FRY: variants seen among roughly 807,000 people sequenced by gnomAD.
The protein encoded by FRY is FRY microtubule binding protein.
In FRY, 128 loss-of-function variants were observed where a neutral mutation model predicts 348.4. The ratio of observed to expected loss-of-function variants is 0.37; its 90% CI spans 0.32 to 0.43. The LOEUF is 0.43. FRY is among the 20% of genes least tolerant of loss of function. The pLI is 1.00. For missense variants in FRY, 2,736 were observed against 3,695.2 expected (o/e 0.74, Z 6.73); for synonymous variants, 1,370 against 1,374.7 (o/e 1.00, Z 0.08).
chr13:32,265,420 G>A (rs1329277040), intron 53 of FRY, 30 bp from the exon 54 acceptor site: 1 of 1,610,584 alleles, frequency 6.2e-7, no homozygotes, highest in African/African-American at 1.3e-5. Flanking sequence ...TTACACATTG[G>A]GGGATTCTTT....
chr13:32,173,360 A>G lies in FRY; in HGVS notation c.2152-7A>G, dbSNP rs1343326359. 3.7e-6 allele frequency: 6 copies of G among 1,607,762 alleles called. No individual in the cohort carries two copies. Among genetic ancestry groups the G allele is most frequent in the Non-Finnish European group, 5.1e-6 (6 of 1,175,842 alleles). On this transcript the variant is annotated splice_region_variant and splice_polypyrimidine_tract_variant and intron_variant, in intron 18 of 60. Coordinates refer to ENST00000542859, the MANE Select transcript of FRY (RefSeq NM_023037.3). The stretch of plus-strand genomic sequence containing the variant: ...GAATACAGAATGTTGTTCTTATTGC[A>G]TAACAGCTCATCGCAAATGGCTCCA...
intron 2 of FRY, among the ~76,000 whole-genome samples, chr13:32,094,974 A>G (rs1593605837): frequency 6.6e-6 from 1 of 152,216 alleles, no homozygotes; most frequent in Non-Finnish European, 1.5e-5. Context: ...CAACCAGTGT[A>G]TGAAGGTTCC....
chr13:32,037,513 C>A (rs1872574023), intron 1 of FRY, among the ~76,000 whole-genome samples: 1 of 152,134 alleles, frequency 6.6e-6, no homozygotes, highest in Non-Finnish European at 1.5e-5. Context: ...AAATCATGTA[C>A]AGGACTGGCA....
chr13:32,067,049 G>T (rs1467990102), intron 1 of FRY, among the ~76,000 whole-genome samples: 1 of 152,168 alleles, frequency 6.6e-6, no homozygotes, highest in African/African-American at 2.4e-5. Flanking sequence ...TGTTTTTGAG[G>T]ACTCTGCAGT....
chr13:32,245,458 T>A (rs1886745090), intron 47 of FRY, among the ~76,000 whole-genome samples: 1 of 151,596 alleles, frequency 6.6e-6, no homozygotes, highest in South Asian at 2.1e-4. Context: ...AAAAAAAATT[T>A]TAAAAATCAG....
chr13:32,212,198 A>C (rs1884725360), intron 34 of FRY, 94 bp from the exon 35 acceptor site: 4 of 742,428 alleles, frequency 5.4e-6, no homozygotes, highest in Admixed American at 4.2e-5. Context: ...ATAAGAATTT[A>C]CAGGAAATCT....
At chr13:32,201,838 A>T in intron 29 of FRY, 103 bp from the exon 30 acceptor site, 1 of 765,466 alleles carries the variant, frequency 1.3e-6, no homozygotes. Flanking sequence ...GTCACTAATA[A>T]GTGACCGAGG....
intron 3 of FRY, among the ~76,000 whole-genome samples, chr13:32,107,474 G>A (rs1229839385): frequency 6.6e-6 from 1 of 152,222 alleles, no homozygotes; most frequent in Non-Finnish European, 1.5e-5. Flanking sequence ...ACACATTGGA[G>A]AACTAGGAAT....
intron 55 of FRY, among the ~76,000 whole-genome samples, chr13:32,269,928 G>A (rs768149796): frequency 6.6e-6 from 1 of 152,172 alleles, no homozygotes; most frequent in Non-Finnish European, 1.5e-5. Context: ...AGTCTTACTT[G>A]TAGTGCTCTT....
chr13:32,174,309 A>G (rs1429546767), intron 19 of FRY, among the ~76,000 whole-genome samples: 1 of 152,206 alleles, frequency 6.6e-6, no homozygotes, highest in African/African-American at 2.4e-5. Flanking sequence ...TTTTCTGTTC[A>G]TATTTCTTCA....
intron 1 of FRY, among the ~76,000 whole-genome samples, chr13:32,065,750 C>T (rs139508088): frequency 0.011 from 1,634 of 152,182 alleles, 32 homozygotes; most frequent in African/African-American, 0.038. Flanking sequence ...CAGATGTGTG[C>T]TACCATGCTC....
intron 58 of FRY, among the ~76,000 whole-genome samples, chr13:32,283,881 T>C (rs920040779): frequency 1.3e-5 from 2 of 152,242 alleles, no homozygotes; most frequent in African/African-American, 4.8e-5. Flanking sequence ...AATCAGCATT[T>C]CCAACTAATG....
At chr13:32,105,482 A>T (rs1394381014) in intron 3 of FRY, among the ~76,000 whole-genome samples, 1 of 152,242 alleles carries the variant, frequency 6.6e-6, no homozygotes, top group Non-Finnish European at 1.5e-5. Flanking sequence ...ACAAACTATA[A>T]GAATTTCAGT....
At chr13:32,141,302 C>T (rs1593659982) in intron 11 of FRY, among the ~76,000 whole-genome samples, 2 of 151,984 alleles carry the variant, frequency 1.3e-5, no homozygotes, top group African/African-American at 4.8e-5. Flanking sequence ...TCATCAAACC[C>T]GGTGAATCAT....
Position 32,275,195 on chromosome 13 carries a change from G to A in FRY, c.8286+204G>A, listed in dbSNP as rs553342254. 2.3e-4 allele frequency: 105 copies of A among 449,238 alleles called. 1 individual carries two copies. Among genetic ancestry groups the A allele is most frequent in the Middle Eastern group, 4.9e-4 (1 of 2,060 alleles). The allele number at this position is 449,238 out of a possible 1,614,324, so 27.8% of individuals were successfully genotyped here. ...AGATCGAGACCATCCTGGCTAACACGGTGAAACCCCGTATCTATTAAAAAT... is the reference window on the plus strand; with the variant it reads ...AGATCGAGACCATCCTGGCTAACACAGTGAAACCCCGTATCTATTAAAAAT... On this transcript the variant is annotated intron_variant, in intron 56 of 60. Transcript: ENST00000542859.
At chr13:32,037,065 C>T (rs1872551102) in intron 1 of FRY, among the ~76,000 whole-genome samples, 1 of 150,990 alleles carries the variant, frequency 6.6e-6, no homozygotes, top group Non-Finnish European at 1.5e-5. Flanking sequence ...CACAAACACA[C>T]ACACACGTGC....
chr13:32,129,583 C>A (rs1879224646), intron 7 of FRY, among the ~76,000 whole-genome samples: 2 of 152,072 alleles, frequency 1.3e-5, no homozygotes, highest in African/African-American at 2.4e-5. Flanking sequence ...ATTGGGTATT[C>A]TGTAGAAGTC....
intron 59 of FRY, 30 bp downstream of exon 59, chr13:32,289,773 C>T (rs900901924): frequency 8.7e-7 from 1 of 1,146,778 alleles, no homozygotes; most frequent in Non-Finnish European, 1.3e-6. Context: ...AACCCCACGT[C>T]CCACCACAAA....
intron 2 of FRY, among the ~76,000 whole-genome samples, chr13:32,080,718 C>G (rs933933752): frequency 6.6e-6 from 1 of 152,178 alleles, no homozygotes; most frequent in African/African-American, 2.4e-5. Context: ...AGACTCCTCC[C>G]CTGGTGGAGG....
Sources: gnomAD v4.1 joint callset for allele counts (sites outside exome capture counted in the v4.1 genomes callset) on GRCh38, gnomAD v4.1.1 for gene constraint, MANE v1.5 for transcripts, NCBI Gene and HGNC (gene_info 2026-07-23, HGNC 2026-07-21) for gene names.